ROR2: variants seen among roughly 807,000 people sequenced by gnomAD.
ROR2 encodes tyrosine-protein kinase transmembrane receptor ROR2.
Under a neutral mutation model 74.9 loss-of-function variants are expected in ROR2, and 33 were observed. The ratio of observed to expected loss-of-function variants is 0.44; its 90% CI spans 0.33 to 0.59. ROR2 has a LOEUF of 0.59. Among genes scored for constraint, ROR2 ranks in the 20% least tolerant of loss-of-function variants. ROR2 has a pLI of 0.02. For missense variants in ROR2, 1,216 were observed against 1,313.8 expected (o/e 0.93, Z 1.15); for synonymous variants, 586 against 558.7 (o/e 1.05, Z -0.69).
At chr9:91,784,823 T>C (rs187863912) in intron 1 of ROR2, among the ~76,000 whole-genome samples, 1 of 152,298 alleles carries the variant, frequency 6.6e-6, no homozygotes, top group East Asian at 1.9e-4. Flanking sequence ...CCAACTTGCT[T>C]TTCTGTTTAA....
chr9:91,780,333 C>A (rs193208005), intron 1 of ROR2, among the ~76,000 whole-genome samples: 39 of 150,704 alleles, frequency 2.6e-4, no homozygotes, highest in African/African-American at 7.6e-4. Flanking sequence ...GCCGAGATCA[C>A]GCCACACTAC....
intron 2 of ROR2, among the ~76,000 whole-genome samples, chr9:91,771,033 C>T (rs1167472991): frequency 6.6e-6 from 1 of 152,158 alleles, no homozygotes; most frequent in Non-Finnish European, 1.5e-5. Flanking sequence ...AGTTCAGCAC[C>T]ACAGCCTGAC....
intron 1 of ROR2, among the ~76,000 whole-genome samples, chr9:91,885,081 A>G (rs1190293811): frequency 6.6e-6 from 1 of 152,128 alleles, no homozygotes; most frequent in Non-Finnish European, 1.5e-5. Flanking sequence ...AGAACCCAAC[A>G]TTGCAAAGCC....
intron 3 of ROR2, 44 bp downstream of exon 3, chr9:91,757,228 A>C (rs527576180): frequency 6.2e-7 from 1 of 1,611,800 alleles, no homozygotes; most frequent in Non-Finnish European, 8.5e-7. Context: ...GTGGCTGGGA[A>C]CCTTCATATC....
At chr9:91,783,832 G>A (rs898618753) in intron 1 of ROR2, among the ~76,000 whole-genome samples, 36 of 151,992 alleles carry the variant, frequency 2.4e-4, no homozygotes, top group African/African-American at 6.8e-4. Context: ...CACGCACATC[G>A]TGCTCACAAC....
intron 1 of ROR2, among the ~76,000 whole-genome samples, chr9:91,844,528 G>C (rs1488581194): frequency 6.6e-6 from 1 of 152,182 alleles, no homozygotes; most frequent in Non-Finnish European, 1.5e-5. Flanking sequence ...TATGAATTTT[G>C]GGAAGGACGC....
chr9:91,796,058 G>A (rs1242684547), intron 1 of ROR2, among the ~76,000 whole-genome samples: 1 of 152,182 alleles, frequency 6.6e-6, no homozygotes, highest in East Asian at 1.9e-4. Context: ...GAAAACCAGA[G>A]CAAAACCTCA....
chr9:91,929,626 T>G (rs553348054), intron 1 of ROR2, among the ~76,000 whole-genome samples: 10 of 151,996 alleles, frequency 6.6e-5, no homozygotes, highest in Non-Finnish European at 1.0e-4. Flanking sequence ...CCAAAGACAT[T>G]CCAACACCCA....
intron 1 of ROR2, among the ~76,000 whole-genome samples, chr9:91,838,364 T>C (rs1455491390): frequency 2.0e-5 from 3 of 152,148 alleles, no homozygotes; most frequent in Non-Finnish European, 4.4e-5. Flanking sequence ...CAGTGTTGAG[T>C]GAAGGGCTGA....
intron 4 of ROR2, among the ~76,000 whole-genome samples, chr9:91,744,430 G>T (rs10992077): frequency 0.11 from 16,306 of 151,748 alleles, 1,101 homozygotes; most frequent in African/African-American, 0.19. Context: ...ATCATATGTT[G>T]GCCAGGCTGG....
At chr9:91,931,937 A>G (rs1199836869) in intron 1 of ROR2, among the ~76,000 whole-genome samples, 2 of 152,226 alleles carry the variant, frequency 1.3e-5, no homozygotes, top group Non-Finnish European at 2.9e-5. Flanking sequence ...AGTTCTGGGA[A>G]CAATGAGTAA....
In ROR2 at chr9:91,733,969, A is replaced by C. The variant is rs1035803757; in HGVS notation, c.623-533T>G. ...AGTTGGTAAAATGCGGAAAGCCAAG[A>C]GGGTGAGAGCAGCAAAGTGGGAGGA... On this transcript the variant is annotated intron_variant, in intron 5 of 8. Transcript: ENST00000375708. This position sits in a 1 kb window ranked among gnomAD's most constrained non-coding sequence, Gnocchi z 5.7. Among the ~76,000 whole-genome samples, 1 of 152,196 alleles carries C rather than the reference A, an allele frequency of 6.6e-6. No homozygotes were observed.
chr9:91,768,677 G>A (rs1826133737), intron 2 of ROR2, among the ~76,000 whole-genome samples: 1 of 152,206 alleles, frequency 6.6e-6, no homozygotes, highest in Non-Finnish European at 1.5e-5. Flanking sequence ...GGACTGCAGG[G>A]AAGGTTCGGA....
In ROR2 at chr9:91,755,157, G is replaced by T. The variant is rs186416758; in HGVS notation, c.494+914C>A. Among the ~76,000 whole-genome samples the T allele has an allele frequency of 6.9e-4, 100 of 145,100 alleles. 1 individual carries two copies. The East Asian group carries it at 0.011, about 15-fold the overall frequency. On this transcript the variant is annotated intron_variant, in intron 4 of 8. Coordinates refer to ENST00000375708, the MANE Select transcript of ROR2 (RefSeq NM_004560.4). ...GTGAAAAGCCAGGCCTGTCTATTTG[G>T]GGGGGGAAAAAAATCTGCCCTCTGC...
intron 4 of ROR2, among the ~76,000 whole-genome samples, chr9:91,738,855 G>A (rs1825124724): frequency 6.6e-6 from 1 of 152,194 alleles, no homozygotes; most frequent in African/African-American, 2.4e-5. Flanking sequence ...TGGGAAGATG[G>A]GGTAATCCTT....
chr9:91,768,522 G>A (rs1390021336), intron 2 of ROR2, among the ~76,000 whole-genome samples: 1 of 152,202 alleles, frequency 6.6e-6, no homozygotes, highest in Non-Finnish European at 1.5e-5. Flanking sequence ...ACTGCTGTCC[G>A]TGTGTGTCAC....
Position 91,723,737 on chromosome 9 carries a change from A to G in ROR2, c.2757T>C (p.Ser919=), listed in dbSNP as rs755155776. 1.9e-5 allele frequency: 31 copies of G among 1,613,834 alleles called. No individual in the cohort carries two copies. The highest frequency in any genetic ancestry group is 2.5e-5 in the Non-Finnish European group (29 of 1,180,034). Residue 919 remains serine, a synonymous_variant, in exon 9 of 9, where the codon TCT becomes TCC. Transcript: ENST00000375708. Reference sequence around the variant, plus strand: ...CCCCCAGCAGCTCAGTCTCTGGGACAGAGCCTTCCTCCTCCTCCTCTGCTT... The same window carrying G: ...CCCCCAGCAGCTCAGTCTCTGGGACGGAGCCTTCCTCCTCCTCCTCTGCTT... ...VQEAEEEEEG[S]VPETELLGDC... is the part of the protein sequence containing the mutation.
chr9:91,883,877 CT>C (rs1174857259), intron 1 of ROR2, among the ~76,000 whole-genome samples: 5 of 152,300 alleles, frequency 3.3e-5, no homozygotes, highest in Non-Finnish European at 7.4e-5. Flanking sequence ...TCGGAACCCC[CT>C]TCTCAGCCCC....
chr9:91,866,417 C>A (rs1004435333), intron 1 of ROR2, among the ~76,000 whole-genome samples: 1 of 103,890 alleles, frequency 9.6e-6, no homozygotes, highest in South Asian at 3.2e-4. Flanking sequence ...CACGCCCAGT[C>A]TTTTTTTTTT....
Sources: allele counts gnomAD v4.1 joint callset (sites outside exome capture counted in the v4.1 genomes callset), GRCh38; gene constraint gnomAD v4.1.1; non-coding constraint Gnocchi (gnomAD v3.1); transcripts MANE v1.5; gene names NCBI Gene and HGNC (gene_info 2026-07-23, HGNC 2026-07-21).